Variants in MLLT3 observed in about 807,000 individuals in gnomAD.
MLLT3 encodes the protein MLLT3 super elongation complex subunit, also known as protein AF-9.
A neutral mutation model predicts 53.2 loss-of-function variants in MLLT3; 4 were observed. That is an observed-to-expected ratio of 0.08 (90% CI 0.04 to 0.17). MLLT3 has a LOEUF of 0.17. MLLT3 is among the 10% of genes least tolerant of loss of function. The pLI is 1.00. For synonymous variants in MLLT3, 283 were observed against 230.6 expected (o/e 1.23, Z -2.06); for missense variants, 569 against 684.0 (o/e 0.83, Z 1.87).
chr9:20,526,080 A>G (rs1244999081), intron 2 of MLLT3, among the ~76,000 whole-genome samples: 1 of 152,240 alleles, frequency 6.6e-6, no homozygotes, highest in Non-Finnish European at 1.5e-5. Context: ...AAATTCCATA[A>G]AATACTAGGG....
intron 2 of MLLT3, among the ~76,000 whole-genome samples, chr9:20,524,595 C>A (rs1354237184): frequency 6.6e-6 from 1 of 152,110 alleles, no homozygotes; most frequent in Non-Finnish European, 1.5e-5. Flanking sequence ...TGGGCTCTAG[C>A]AATTCTCCCA....
chr9:20,622,180 C>G, intron 1 of MLLT3, 65 bp downstream of exon 1: 1 of 1,504,166 alleles, frequency 6.6e-7, no homozygotes, highest in Non-Finnish European at 9.2e-7. Context: ...GTCTGGGCTG[C>G]GGCGGCGCAG....
intron 2 of MLLT3, among the ~76,000 whole-genome samples, chr9:20,490,546 C>T (rs1260570723): frequency 6.6e-6 from 1 of 152,214 alleles, no homozygotes; most frequent in Non-Finnish European, 1.5e-5. Context: ...TGCCAACAAC[C>T]TGAATGAACC....
chr9:20,546,336 T>G (rs1818788075), intron 2 of MLLT3, among the ~76,000 whole-genome samples: 1 of 152,168 alleles, frequency 6.6e-6, no homozygotes, highest in Non-Finnish European at 1.5e-5. Flanking sequence ...GCCCAGAGTT[T>G]GAAACCAGCC....
chr9:20,585,038 T>C (rs1587099673), intron 2 of MLLT3, among the ~76,000 whole-genome samples: 1 of 152,350 alleles, frequency 6.6e-6, no homozygotes, highest in South Asian at 2.1e-4. Flanking sequence ...GAGCATGATT[T>C]CTGAATCACA....
chr9:20,377,179 T>C (rs188725772), intron 5 of MLLT3, among the ~76,000 whole-genome samples: 94 of 152,306 alleles, frequency 6.2e-4, no homozygotes, highest in Middle Eastern at 3.4e-3. Context: ...TTAAGTGTTA[T>C]TGGAGTTGAC....
At chr9:20,581,639 G>T (rs893911198) in intron 2 of MLLT3, among the ~76,000 whole-genome samples, 3 of 152,132 alleles carry the variant, frequency 2.0e-5, no homozygotes, top group African/African-American at 7.2e-5. Context: ...CAGCCAATCA[G>T]AGACTGGACT....
chr9:20,472,067 T>C (rs1406965548), intron 2 of MLLT3, among the ~76,000 whole-genome samples: 2 of 152,120 alleles, frequency 1.3e-5, no homozygotes, highest in African/African-American at 4.8e-5. Flanking sequence ...TTTAGTTTAA[T>C]GCTCTTATTA....
At chr9:20,586,909 T>C (rs1819980205) in intron 2 of MLLT3, among the ~76,000 whole-genome samples, 1 of 152,158 alleles carries the variant, frequency 6.6e-6, no homozygotes, top group Admixed American at 6.5e-5. Flanking sequence ...TCCTTTATTT[T>C]GTTTTTTTTA....
chr9:20,534,714 G>A (rs1216324924), intron 2 of MLLT3, among the ~76,000 whole-genome samples: 1 of 151,958 alleles, frequency 6.6e-6, no homozygotes. Flanking sequence ...GTGAAACCCT[G>A]TCTCTACTAA....
chr9:20,568,985 AAC>A (rs1819455408), intron 2 of MLLT3, among the ~76,000 whole-genome samples: 1 of 152,164 alleles, frequency 6.6e-6, no homozygotes, highest in Non-Finnish European at 1.5e-5. Context: ...AAAATTCCCA[AAC>A]ACAAAGATAA....
chr9:20,487,307 CCA>C (rs1390517501), intron 2 of MLLT3, among the ~76,000 whole-genome samples: 2 of 152,104 alleles, frequency 1.3e-5, no homozygotes, highest in Non-Finnish European at 1.5e-5. Context: ...TTCTAACTAT[CCA>C]AGGCTAAAAT....
intron 2 of MLLT3, among the ~76,000 whole-genome samples, chr9:20,484,902 A>C (rs760181196): frequency 6.6e-6 from 1 of 152,218 alleles, no homozygotes; most frequent in Non-Finnish European, 1.5e-5. Flanking sequence ...AAAGATAAGG[A>C]GTATGTATGG....
intron 2 of MLLT3, among the ~76,000 whole-genome samples, chr9:20,475,822 A>G (rs1188177187): frequency 6.6e-6 from 1 of 152,116 alleles, no homozygotes; most frequent in Non-Finnish European, 1.5e-5. Context: ...CCTCCAAAAT[A>G]CACACAATAT....
chr9:20,407,996 A>C (rs1822626942), intron 5 of MLLT3, among the ~76,000 whole-genome samples: 2 of 152,218 alleles, frequency 1.3e-5, no homozygotes, highest in East Asian at 3.8e-4. Flanking sequence ...ATAGGTCATA[A>C]AGCAAGAAAC....
chr9:20,385,018 TA>T (rs1371527388), intron 5 of MLLT3, among the ~76,000 whole-genome samples: 2 of 152,076 alleles, frequency 1.3e-5, no homozygotes, highest in Non-Finnish European at 2.9e-5. Flanking sequence ...TGCAGAAAAG[TA>T]AAAAGTTACC....
intron 2 of MLLT3, among the ~76,000 whole-genome samples, chr9:20,544,247 T>G (rs1818724443): frequency 2.6e-5 from 4 of 152,144 alleles, no homozygotes; most frequent in Admixed American, 2.6e-4. Context: ...ATATCGGATT[T>G]GGGAGGGATT....
At chr9:20,475,527 T>C (rs1409286193) in intron 2 of MLLT3, among the ~76,000 whole-genome samples, 1 of 152,114 alleles carries the variant, frequency 6.6e-6, no homozygotes, top group African/African-American at 2.4e-5. Flanking sequence ...TGTCTACTAT[T>C]AGGCAGCTGT....
chr9:20,617,900 T>C (rs2131215877), intron 2 of MLLT3, among the ~76,000 whole-genome samples: 1 of 152,360 alleles, frequency 6.6e-6, no homozygotes, highest in Non-Finnish European at 1.5e-5. Context: ...TTAAAAATAC[T>C]ATAATTTTTT....
Sources: allele counts gnomAD v4.1 joint callset (sites outside exome capture counted in the v4.1 genomes callset), GRCh38; gene constraint gnomAD v4.1.1; transcripts MANE v1.5; gene names NCBI Gene and HGNC (gene_info 2026-07-23, HGNC 2026-07-21).